The following AKAP13 variants were observed in gnomAD, a reference collection of about 807,000 sequenced individuals.
AKAP13 encodes A-kinase anchoring protein 13.
Under a neutral mutation model 264.5 loss-of-function variants are expected in AKAP13, and 80 were observed. The observed-to-expected ratio is 0.30, with a 90% CI of 0.25 to 0.36. The LOEUF is 0.36. Ranked by LOEUF, AKAP13 falls within the 10% of genes least tolerant of loss-of-function variation. The probability of loss-of-function intolerance (pLI) is 1.00; values close to 1 mark genes in which losing one functional copy is unlikely to be tolerated. For missense variants in AKAP13, 3,712 were observed against 3,435.2 expected, an observed-to-expected ratio of 1.08 and a Z score of -2.01; for synonymous variants, 1,380 against 1,250.2, an observed-to-expected ratio of 1.10 and a Z score of -2.19.
chr15:85,445,209 G>A (rs2073857634), intron 1 of AKAP13, among the ~76,000 whole-genome samples: 1 of 152,290 alleles, frequency 6.6e-6, no homozygotes, highest in Admixed American at 6.5e-5. Context: ...TGAACATTCA[G>A]TTAGTACAGT....
chr15:85,539,230 ATATT>A (rs1028653026), intron 4 of AKAP13, among the ~76,000 whole-genome samples: 5 of 152,248 alleles, frequency 3.3e-5, no homozygotes, highest in African/African-American at 1.2e-4. Flanking sequence ...CAGAAGATTA[ATATT>A]TATTGATCCC....
At chr15:85,597,733 G>A (rs768493323) in intron 8 of AKAP13, among the ~76,000 whole-genome samples, 2 of 152,138 alleles carry the variant, frequency 1.3e-5, no homozygotes, top group African/African-American at 4.8e-5. Flanking sequence ...CCCACTTCCT[G>A]TTGCCTTCTC....
At chr15:85,709,976 C>G (rs1193149280) in intron 18 of AKAP13, among the ~76,000 whole-genome samples, 1 of 152,160 alleles carries the variant, frequency 6.6e-6, no homozygotes, top group African/African-American at 2.4e-5. Context: ...GTGTGAGTCA[C>G]CGCACCCTGC....
intron 1 of AKAP13, among the ~76,000 whole-genome samples, chr15:85,453,647 A>C (rs1567064899): frequency 6.6e-6 from 1 of 152,144 alleles, no homozygotes; most frequent in East Asian, 1.9e-4. Flanking sequence ...TTGGTAGAGC[A>C]TGTGTGCTGT....
At chr15:85,572,843 C>T (rs1038504286) in intron 5 of AKAP13, among the ~76,000 whole-genome samples, 9 of 152,126 alleles carry the variant, frequency 5.9e-5, no homozygotes, top group South Asian at 2.1e-4. Flanking sequence ...TGACCGACCC[C>T]GGTGTGTGAT....
chr15:85,658,436 G>T, intron 11 of AKAP13, 101 bp from the exon 12 acceptor site: 2 of 952,078 alleles, frequency 2.1e-6, no homozygotes, highest in South Asian at 1.7e-5. Context: ...ATTTCTCTTT[G>T]AGCAGTGTCT....
chr15:85,635,097 A>G (rs920310040), intron 8 of AKAP13: 4 of 398,070 alleles, frequency 1.0e-5, no homozygotes, highest in Non-Finnish European at 1.3e-5. Flanking sequence ...ATGGAATGCT[A>G]TGTTGTATGT....
In AKAP13 at chr15:85,393,725, TCTCTC is replaced by T. The variant is rs1392948358; in HGVS notation, c.-12+12928_-12+12932del. On this transcript the variant is annotated intron_variant, in intron 1 of 36. Coordinates refer to ENST00000394518, the MANE Select transcript of AKAP13 (RefSeq NM_007200.5). The stretch of plus-strand genomic sequence containing the variant: ...TAGGGTTTAGAGATTTAAGTTTGCT[TCTCTC>T]AAGTCAATGAACTACAATTTTGATC... Among the ~76,000 whole-genome samples the T allele has an allele frequency of 5.7e-4, 87 of 152,338 alleles. No individual in the cohort carries two copies. In the Middle Eastern group the frequency reaches 0.017, roughly 30 times the overall value.
At chr15:85,629,821 C>T (rs1206753528) in intron 8 of AKAP13, among the ~76,000 whole-genome samples, 1 of 117,872 alleles carries the variant, frequency 8.5e-6, no homozygotes, top group Non-Finnish European at 1.6e-5. Context: ...GCTGTGTCAC[C>T]CAGGCTGGAG....
chr15:85,395,314 CT>C (rs2071058661), intron 1 of AKAP13, among the ~76,000 whole-genome samples: 1 of 152,110 alleles, frequency 6.6e-6, no homozygotes, highest in South Asian at 2.1e-4. Context: ...TTTTTCAAGT[CT>C]TTCTTTTTTT....
chr15:85,687,574 A>C, intron 16 of AKAP13, among the ~76,000 whole-genome samples: 1 of 151,854 alleles, frequency 6.6e-6, no homozygotes, highest in African/African-American at 2.4e-5. Flanking sequence ...AGCAGTGGAA[A>C]CTCAAAAAAT....
chr15:85,634,497 GGT>G (rs1466589495), intron 8 of AKAP13, among the ~76,000 whole-genome samples: 4 of 152,132 alleles, frequency 2.6e-5, no homozygotes, highest in Non-Finnish European at 4.4e-5. Flanking sequence ...ATAATGTTAA[GGT>G]GTGTGGGAAT....
chr15:85,720,258 CTCTGTGTG>C (rs1259468480), intron 23 of AKAP13, among the ~76,000 whole-genome samples: 12 of 36,376 alleles, frequency 3.3e-4, no homozygotes, highest in Middle Eastern at 0.012. Flanking sequence ...TAAAAACAAA[CTCTGTGTG>C]TGTGTGTGTG....
rs2089407151 is a variant in AKAP13, at chr15:85,747,590, T to C, written c.*2913T>C. On this transcript the variant is annotated 3_prime_UTR_variant, in exon 37 of 37. Coordinates refer to ENST00000394518, the MANE Select transcript of AKAP13 (RefSeq NM_007200.5). ...AGACTGCGTCTTCTCTCAATTCCAG[T>C]CATCTCAGTCGTTGTCGTTAGGTGA... 6.6e-6 allele frequency: 1 copy of C among 152,654 alleles called. No individual in the cohort carries two copies. The highest frequency in any genetic ancestry group is 1.5e-5 in the Non-Finnish European group (1 of 68,038). The allele number at this position is 152,654 out of a possible 1,614,324, so 9.5% of individuals were successfully genotyped here.
chr15:85,434,553 G>A (rs1223996739), intron 1 of AKAP13, among the ~76,000 whole-genome samples: 1 of 152,022 alleles, frequency 6.6e-6, no homozygotes, highest in East Asian at 1.9e-4. Flanking sequence ...AGTAACCTCT[G>A]CAGACTTAAG....
chr15:85,568,651 T>G (rs1160111926), intron 5 of AKAP13, among the ~76,000 whole-genome samples: 2 of 152,188 alleles, frequency 1.3e-5, no homozygotes, highest in Non-Finnish European at 2.9e-5. Flanking sequence ...CTGGGTGACC[T>G]TGGTCATGAA....
intron 5 of AKAP13, among the ~76,000 whole-genome samples, chr15:85,570,993 A>G (rs774075203): frequency 6.6e-6 from 1 of 150,862 alleles, no homozygotes; most frequent in Non-Finnish European, 1.5e-5. Flanking sequence ...GTTTTGGCTT[A>G]CATTAGATGG....
chr15:85,437,538 T>C (rs2073369864), intron 1 of AKAP13, among the ~76,000 whole-genome samples: 1 of 151,542 alleles, frequency 6.6e-6, no homozygotes. Context: ...TTTAGACCAA[T>C]ATCCTTGATG....
intron 1 of AKAP13, among the ~76,000 whole-genome samples, chr15:85,444,758 C>T (rs976317012): frequency 3.9e-5 from 6 of 152,238 alleles, no homozygotes; most frequent in Non-Finnish European, 7.4e-5. Flanking sequence ...CTCTAGCAGC[C>T]CTTCCTGGTG....
Sources: allele counts gnomAD v4.1 joint callset (sites outside exome capture counted in the v4.1 genomes callset), GRCh38; gene constraint gnomAD v4.1.1; transcripts MANE v1.5; gene names NCBI Gene and HGNC (gene_info 2026-07-23, HGNC 2026-07-21).